Variants in CLIC1 observed in about 807,000 individuals in gnomAD.
CLIC1 encodes the protein chloride intracellular channel protein 1.
Under a neutral mutation model 26.4 loss-of-function variants are expected in CLIC1, and 16 were observed. That is an observed-to-expected ratio of 0.61 (90% CI 0.41 to 0.92). The LOEUF (loss-of-function observed/expected upper bound fraction) is 0.92. CLIC1 is among the 40% of genes least tolerant of loss of function. The pLI is 0.00. For missense variants in CLIC1, 225 were observed against 289.7 expected, an observed-to-expected ratio of 0.78 and a Z score of 1.62; for synonymous variants, 98 against 120.8, an observed-to-expected ratio of 0.81 and a Z score of 1.24.
In CLIC1 at chr6:31,732,340, G is replaced by T. The variant is rs766616066; in HGVS notation, c.441C>A (p.Pro147=). ...TGGTTTCATCCACTTCTTCTGGGAG[G>T]GGGGATGTTAAGTAATTGTCTAAAA... The change falls in exon 5 of 6, where the codon CCC becomes CCA. Residue 147 remains proline (P), a synonymous_variant. Transcript: ENST00000375784. This position sits in a 1 kb window ranked among gnomAD's most constrained non-coding sequence, Gnocchi z 5.0. The T allele has an allele frequency of 2.9e-5, 47 of 1,594,380 alleles. No homozygotes were observed. The East Asian group carries it at 1.1e-3, about 37-fold the overall frequency.
At position 31,733,517 on chromosome 6, in the gene CLIC1, G is replaced by A. The variant is rs1160868660; in HGVS notation, c.382+49C>T. On this transcript the variant is annotated intron_variant, in intron 4 of 5. Coordinates refer to ENST00000375784, the Ensembl canonical transcript of CLIC1. This position sits in a 1 kb window ranked among gnomAD's most constrained non-coding sequence, Gnocchi z 5.4. ...GCCCCTAATGTCTCCTACCCGCTGG[G>A]TCCTCTCTATTCCTCCCAGGACCCA... 2 of 1,384,000 alleles carry A rather than the reference G, an allele frequency of 1.4e-6. No homozygotes were observed. Among genetic ancestry groups the A allele is most frequent in the Admixed American group, 1.7e-5 (1 of 59,248 alleles). The allele number at this position is 1,384,000 out of a possible 1,614,324, so 85.7% of individuals were successfully genotyped here.
chr6:31,736,696 G>T (rs1417533349), upstream of CLIC1: 2 of 1,057,576 alleles, frequency 1.9e-6, no homozygotes, highest in African/African-American at 3.3e-5. This position sits in a 1 kb window ranked among gnomAD's most constrained non-coding sequence, Gnocchi z 5.0. Flanking sequence ...TTGTTTCTCC[G>T]ACCTCTCCTG....
intron 5 of CLIC1, among the ~76,000 whole-genome samples, chr6:31,731,424 C>A (rs1337423135): frequency 6.6e-6 from 1 of 152,064 alleles, no homozygotes; most frequent in African/African-American, 2.4e-5. Context: ...GCCTCAGCCT[C>A]CCAAATAGCT....
Position 31,732,479 on chromosome 6 carries a change from TG to T in CLIC1, c.383-82del, listed in dbSNP as rs1808045933. On this transcript the variant is annotated intron_variant, in intron 4 of 5. Transcript: ENST00000375784. This position sits in a 1 kb window ranked among gnomAD's most constrained non-coding sequence, Gnocchi z 5.0. ...AAGGCCCGTTGGGGGTGGATACTAA[TG>T]GTGAGTCCAAAATAATAATAGCTAA... The T allele has an allele frequency of 1.0e-6, 1 of 956,710 alleles. No individual in the cohort carries two copies. The highest frequency in any genetic ancestry group is 1.7e-5 in the African/African-American group (1 of 59,234). The allele number at this position is 956,710 out of a possible 1,614,324, so 59.3% of individuals were successfully genotyped here.
At chr6:31,735,689 G>C (rs1274196727) in intron 1 of CLIC1, among the ~76,000 whole-genome samples, 2 of 151,742 alleles carry the variant, frequency 1.3e-5, no homozygotes, top group Non-Finnish European at 2.9e-5. Flanking sequence ...CTCCAGCTCT[G>C]CTTTTCAAAC....
rs1808108710 is a variant in CLIC1, at chr6:31,733,387, T to C, written c.382+179A>G. Among the ~76,000 whole-genome samples the C allele has an allele frequency of 6.6e-6, 1 of 152,144 alleles. No homozygotes were observed. Among genetic ancestry groups the C allele is most frequent in the East Asian group, 1.9e-4 (1 of 5,186 alleles). On this transcript the variant is annotated intron_variant, in intron 4 of 5. Coordinates refer to ENST00000375784, the Ensembl canonical transcript of CLIC1. This position sits in a 1 kb window ranked among gnomAD's most constrained non-coding sequence, Gnocchi z 5.4. Reference sequence around the variant, plus strand: ...AACAAATGAGAAAAGCTTAAAAGTCTTGGCCAATGAAAATGCAGGGAAATA... The same window carrying C: ...AACAAATGAGAAAAGCTTAAAAGTCCTGGCCAATGAAAATGCAGGGAAATA...
At position 31,734,892 on chromosome 6, in the gene CLIC1, G is replaced by A. The variant is rs1808226960; in HGVS notation, c.40-629C>T. 6.6e-6 allele frequency among the ~76,000 whole-genome samples: 1 copy of A among 152,198 alleles called. No homozygotes were observed. Among genetic ancestry groups the A allele is most frequent in the South Asian group, 2.1e-4 (1 of 4,818 alleles). ...TGTCAAGGATGTGGGGGAAGGGACA[G>A]TGAGGATGAGGCCTGGGCAGCTAAG... On this transcript the variant is annotated intron_variant, in intron 1 of 5. Coordinates refer to ENST00000375784, the Ensembl canonical transcript of CLIC1. The surrounding 1 kb of genome is among the most constrained non-coding windows in gnomAD (Gnocchi z 5.3).
Position 31,732,188 on chromosome 6 carries a change from C to T in CLIC1, c.564+29G>A. On this transcript the variant is annotated intron_variant, in intron 5 of 5. Coordinates refer to ENST00000375784, the Ensembl canonical transcript of CLIC1. This position sits in a 1 kb window ranked among gnomAD's most constrained non-coding sequence, Gnocchi z 5.0. Reference sequence around the variant, plus strand: ...CTCCTTAAAGGGCCACTCCAGTGGTCATCCTCTCCTCCCGCAATAACCACA... The same window carrying T: ...CTCCTTAAAGGGCCACTCCAGTGGTTATCCTCTCCTCCCGCAATAACCACA... 2 of 1,417,016 alleles carry T rather than the reference C, an allele frequency of 1.4e-6. No homozygotes were observed. The highest frequency in any genetic ancestry group is 1.9e-6 in the Non-Finnish European group (2 of 1,074,790). The allele number at this position is 1,417,016 out of a possible 1,614,324, so 87.8% of individuals were successfully genotyped here.
rs1366392033 is a variant in CLIC1, at chr6:31,730,945, C to T, written c.623G>A (p.Arg208Gln). The change falls in exon 6 of 6, where the codon CGG becomes CAG. Residue 208 changes from arginine (R) to glutamine (Q), a missense_variant. Coordinates refer to ENST00000375784, the Ensembl canonical transcript of CLIC1. The surrounding 1 kb of genome is among the most constrained non-coding windows in gnomAD (Gnocchi z 5.1). ...CCGGGCGTAGGCATTGCTCAAGTAC[C>T]GATGCACTCCCCGGAAGGCCTCGGG... is the stretch of plus-strand genomic sequence containing the variant. 4 of 1,613,014 alleles carry T rather than the reference C, an allele frequency of 2.5e-6. No individual in the cohort carries two copies. Among genetic ancestry groups the T allele is most frequent in the East Asian group, 2.2e-5 (1 of 44,886 alleles).
rs1239468490 is a variant in CLIC1 at position 31,736,384 on chromosome 6, G to C, written c.-84C>G. The C allele has an allele frequency of 6.2e-7, 1 of 1,608,438 alleles. No homozygotes were observed. Among genetic ancestry groups the C allele is most frequent in the Non-Finnish European group, 8.5e-7 (1 of 1,178,570 alleles). On this transcript the variant is annotated 5_prime_UTR_variant, in exon 1 of 6. Transcript: ENST00000375784. This position sits in a 1 kb window ranked among gnomAD's most constrained non-coding sequence, Gnocchi z 5.0. ...GGGGAAGGCGGGTCTCACACTCAGG[G>C]ACTCTCTCCCCTAGACCCAGGGCTG...
At chr6:31,735,737 A>C (rs1210120642) in intron 1 of CLIC1, among the ~76,000 whole-genome samples, 1 of 149,976 alleles carries the variant, frequency 6.7e-6, no homozygotes, top group Non-Finnish European at 1.5e-5. Flanking sequence ...GCCCCTCCAA[A>C]GCTTCCCAAT....
At position 31,734,034 on chromosome 6, in the gene CLIC1, G is replaced by A. The variant is rs1583865350; in HGVS notation, c.150-73C>T. On this transcript the variant is annotated intron_variant, in intron 2 of 5. Transcript: ENST00000375784. This position sits in a 1 kb window ranked among gnomAD's most constrained non-coding sequence, Gnocchi z 5.3. ...ACCAGAAAGGGGGAATGGAGGACGTGGGATAAGAAAGGGACTCCAGGGGGA... is the reference window on the plus strand; with the variant it reads ...ACCAGAAAGGGGGAATGGAGGACGTAGGATAAGAAAGGGACTCCAGGGGGA... The A allele has an allele frequency of 1.3e-6, 2 of 1,598,820 alleles. No individual in the cohort carries two copies. Among genetic ancestry groups the A allele is most frequent in the East Asian group, 4.5e-5 (2 of 44,666 alleles).
Position 31,733,448 on chromosome 6 carries a change from T to G in CLIC1, c.382+118A>C. 1 of 713,222 alleles carries G rather than the reference T, an allele frequency of 1.4e-6. No homozygotes were observed. Among genetic ancestry groups the G allele is most frequent in the Non-Finnish European group, 2.4e-6 (1 of 412,522 alleles). 44.2% of individuals were successfully genotyped at this position (713,222 alleles called of 1,614,324 possible). A position where few individuals can be genotyped will look rare whatever the true frequency, so the allele number is the denominator to read the frequency against. Reference sequence around the variant, plus strand: ...GCAAAAATGGGAAGCTGGGGGAAATTTACGAACATCTGCTTCATCTCCCTG... The same window carrying G: ...GCAAAAATGGGAAGCTGGGGGAAATGTACGAACATCTGCTTCATCTCCCTG... On this transcript the variant is annotated intron_variant, in intron 4 of 5. Transcript: ENST00000375784. The surrounding 1 kb of genome is among the most constrained non-coding windows in gnomAD (Gnocchi z 5.4).
upstream of CLIC1, chr6:31,736,975 C>T (rs1326614757): frequency 1.0e-6 from 1 of 985,176 alleles, no homozygotes; most frequent in East Asian, 1.1e-4. This position sits in a 1 kb window ranked among gnomAD's most constrained non-coding sequence, Gnocchi z 5.0. Context: ...AGCCATGCAG[C>T]CTGGGATTAG....
At position 31,733,415 on chromosome 6, in the gene CLIC1, G is replaced by C; in HGVS notation, c.382+151C>G. 1.6e-6 allele frequency: 1 copy of C among 629,270 alleles called. No homozygotes were observed. The highest frequency in any genetic ancestry group is 2.9e-6 in the Non-Finnish European group (1 of 350,610). The allele number at this position is 629,270 out of a possible 1,614,324, so 39.0% of individuals were successfully genotyped here. On this transcript the variant is annotated intron_variant, in intron 4 of 5. Coordinates refer to ENST00000375784, the Ensembl canonical transcript of CLIC1. The surrounding 1 kb of genome is among the most constrained non-coding windows in gnomAD (Gnocchi z 5.4). ...GCCAATGAAAATGCAGGGAAATATA[G>C]AGGTAAAGCAAAAATGGGAAGCTGG...
chr6:31,736,943 G>A (rs909457947), upstream of CLIC1: 8 of 985,618 alleles, frequency 8.1e-6, no homozygotes, highest in Non-Finnish European at 9.6e-6. This position sits in a 1 kb window ranked among gnomAD's most constrained non-coding sequence, Gnocchi z 5.0. Flanking sequence ...GTGGAAGGCT[G>A]GGACTGCAGA....
At chr6:31,731,128 C>T in intron 5 of CLIC1, 125 bp from the exon 6 acceptor site, 1 of 702,842 alleles carries the variant, frequency 1.4e-6, no homozygotes, top group Non-Finnish European at 2.3e-6. Flanking sequence ...CTGTCGTTAG[C>T]CTTCCTTCTC....
chr6:31,730,597 G>T lies in CLIC1; in HGVS notation c.*245C>A. On this transcript the variant is annotated 3_prime_UTR_variant, in exon 6 of 6. Transcript: ENST00000375784. The surrounding 1 kb of genome is among the most constrained non-coding windows in gnomAD (Gnocchi z 5.1). ...AAATCCCCATTGCGTAAAAACACTT[G>T]ATTTTTATTCTGTATTTTATTACTG... 1.8e-5 allele frequency: 9 copies of T among 503,182 alleles called. No homozygotes were observed. Among genetic ancestry groups the T allele is most frequent in the Middle Eastern group, 5.2e-4 (1 of 1,908 alleles). 31.2% of individuals were successfully genotyped at this position (503,182 alleles called of 1,614,324 possible).
rs1240696743 is a variant in CLIC1 at position 31,734,120 on chromosome 6, C to T, written c.149+34G>A. On this transcript the variant is annotated intron_variant, in intron 2 of 5. Coordinates refer to ENST00000375784, the Ensembl canonical transcript of CLIC1. This position sits in a 1 kb window ranked among gnomAD's most constrained non-coding sequence, Gnocchi z 5.3. ...GTGTGTGTTTGCACACATGTGTACACCAGGGGTGTTTCAAGGAACATAAGC... is the reference window on the plus strand; with the variant it reads ...GTGTGTGTTTGCACACATGTGTACATCAGGGGTGTTTCAAGGAACATAAGC... The T allele has an allele frequency of 5.6e-6, 9 of 1,594,722 alleles. No homozygotes were observed. The highest frequency in any genetic ancestry group is 6.9e-6 in the Non-Finnish European group (8 of 1,162,576).
Sources: gnomAD v4.1 joint callset for allele counts (sites outside exome capture counted in the v4.1 genomes callset) on GRCh38, gnomAD v4.1.1 for gene constraint, Gnocchi (gnomAD v3.1) non-coding constraint, MANE v1.5 for transcripts, NCBI Gene and HGNC (gene_info 2026-07-23, HGNC 2026-07-21) for gene names.